The following KLF8 variants were observed in gnomAD, a reference collection of about 807,000 sequenced individuals.
KLF8 encodes the protein Krueppel-like factor 8.
A neutral mutation model predicts 18.2 loss-of-function variants in KLF8; 10 were observed. The observed-to-expected ratio is 0.55, with a 90% CI of 0.34 to 0.93. The LOEUF (loss-of-function observed/expected upper bound fraction) is 0.93, where lower values mean the gene tolerates loss of function less well. Among genes scored for constraint, KLF8 ranks in the 40% least tolerant of loss-of-function variants. KLF8 has a pLI of 0.02. For missense variants in KLF8, 264 were observed against 277.9 expected (o/e 0.95, Z 0.36); for synonymous variants, 109 against 97.3 (o/e 1.12, Z -0.71).
the KLF8 span, among the ~76,000 whole-genome samples, chrX:56,094,795 A>G: frequency 2.7e-4 from 30 of 111,300 alleles, no homozygotes; most frequent in Non-Finnish European, 5.5e-4. Context: ...CAATAACAGA[A>G]TGATAGCTAG....
At chrX:56,132,334 C>A in the KLF8 span, among the ~76,000 whole-genome samples, 8 of 111,333 alleles carry the variant, frequency 7.2e-5, no homozygotes, top group East Asian at 1.7e-3. Flanking sequence ...TCCAAAGGAA[C>A]CTTCAAGACC....
At chrX:55,990,285 G>A in the KLF8 span, among the ~76,000 whole-genome samples, 2 of 111,458 alleles carry the variant, frequency 1.8e-5, no homozygotes, top group Non-Finnish European at 3.8e-5. Flanking sequence ...TCTTTTAATT[G>A]TGATGTTAGG....
chrX:56,214,665 C>T, the KLF8 span, among the ~76,000 whole-genome samples: 2 of 112,332 alleles, frequency 1.8e-5, no homozygotes, highest in South Asian at 3.7e-4. Context: ...ACCTTTCAAA[C>T]ATGAGACAAT....
the KLF8 span, among the ~76,000 whole-genome samples, chrX:56,026,071 C>G: frequency 8.9e-6 from 1 of 112,201 alleles, no homozygotes; most frequent in Non-Finnish European, 1.9e-5. Flanking sequence ...TTGTCATCCT[C>G]CTCAGAGTCA....
intron 5 of KLF8, among the ~76,000 whole-genome samples, chrX:56,277,937 A>C (rs1054888865): frequency 2.7e-5 from 3 of 112,442 alleles, no homozygotes; most frequent in African/African-American, 9.7e-5. Context: ...TACCACTACC[A>C]TAGGCTTACA....
chrX:56,048,025 A>G, the KLF8 span, among the ~76,000 whole-genome samples: 36 of 111,952 alleles, frequency 3.2e-4, 1 homozygote, highest in Non-Finnish European at 3.6e-4. Flanking sequence ...CAGTCATGAT[A>G]AGCATTTTTT....
chrX:56,192,795 A>G, the KLF8 span, among the ~76,000 whole-genome samples: 4 of 112,731 alleles, frequency 3.5e-5, no homozygotes, highest in Non-Finnish European at 7.5e-5. Context: ...TTCTCTCACC[A>G]TATACAAAAG....
At chrX:55,953,105 G>A in the KLF8 span, among the ~76,000 whole-genome samples, 1 of 111,464 alleles carries the variant, frequency 9.0e-6, no homozygotes, top group South Asian at 3.8e-4. Flanking sequence ...TAAGGTAGTT[G>A]TTCGAGTGTG....
the KLF8 span, among the ~76,000 whole-genome samples, chrX:56,139,696 C>T: frequency 1.8e-5 from 2 of 111,673 alleles, no homozygotes; most frequent in East Asian, 2.8e-4. Context: ...CTAGGAAGTG[C>T]TGTTCTGTAC....
chrX:56,000,302 T>TTG, the KLF8 span, among the ~76,000 whole-genome samples: 2 of 109,846 alleles, frequency 1.8e-5, no homozygotes, highest in East Asian at 2.9e-4. Flanking sequence ...TCTGTAGTTT[T>TTG]TGTGTGTGTG....
At chrX:56,078,583 G>A in the KLF8 span, among the ~76,000 whole-genome samples, 1 of 111,867 alleles carries the variant, frequency 8.9e-6, no homozygotes, top group East Asian at 2.8e-4. Flanking sequence ...TGTTCATCAA[G>A]GATATTGGTG....
In KLF8 at chrX:56,288,144, C is replaced by T. The variant is rs1372292542; in HGVS notation, c.*3650C>T. Reference sequence around the variant, plus strand: ...CCCAGCAATACTTGAGAGGCTGAGGCAAGAGAATTGCTTGAACCTGGGAGG... The same window carrying T: ...CCCAGCAATACTTGAGAGGCTGAGGTAAGAGAATTGCTTGAACCTGGGAGG... On this transcript the variant is annotated 3_prime_UTR_variant, in exon 6 of 6. Transcript: ENST00000468660. 9.1e-6 allele frequency among the ~76,000 whole-genome samples: 1 copy of T among 110,263 alleles called. No individual in the cohort carries two copies. The highest frequency in any genetic ancestry group is 1.9e-5 in the Non-Finnish European group (1 of 52,869).
chrX:56,026,160 G>T, the KLF8 span, among the ~76,000 whole-genome samples: 46 of 111,923 alleles, frequency 4.1e-4, no homozygotes, highest in African/African-American at 1.4e-3. Flanking sequence ...TGTGATCCAG[G>T]CCAGGATTCC....
At chrX:56,185,420 G>T in the KLF8 span, among the ~76,000 whole-genome samples, 2 of 112,120 alleles carry the variant, frequency 1.8e-5, no homozygotes. Context: ...AAAGTGACGG[G>T]GAGAATGGGA....
chrX:56,018,892 G>A, the KLF8 span, among the ~76,000 whole-genome samples: 1 of 110,804 alleles, frequency 9.0e-6, no homozygotes, highest in Non-Finnish European at 1.9e-5. Context: ...AAACTTTCAA[G>A]CTGTAGGAAT....
chrX:56,235,507 C>T (rs1396697127), intron 1 of KLF8, among the ~76,000 whole-genome samples: 1 of 106,737 alleles, frequency 9.4e-6, no homozygotes, highest in African/African-American at 3.4e-5. Context: ...ACCTTCGCCT[C>T]CCAGGTTCAA....
chrX:56,164,764 T>A, the KLF8 span, among the ~76,000 whole-genome samples: 3 of 95,872 alleles, frequency 3.1e-5, no homozygotes, highest in African/African-American at 1.2e-4. Context: ...TTTTTTTTTT[T>A]ATTATACTTT....
At chrX:56,057,503 G>A in the KLF8 span, among the ~76,000 whole-genome samples, 3 of 111,750 alleles carry the variant, frequency 2.7e-5, no homozygotes, top group Non-Finnish European at 5.6e-5. Flanking sequence ...TTGTGAGGAG[G>A]TAGCAGAAAG....
At chrX:56,098,332 C>A in the KLF8 span, among the ~76,000 whole-genome samples, 1 of 111,660 alleles carries the variant, frequency 9.0e-6, no homozygotes, top group African/African-American at 3.3e-5. Context: ...CAACACAAAC[C>A]AACTTAGACA....
Sources: allele counts gnomAD v4.1 joint callset (sites outside exome capture counted in the v4.1 genomes callset), GRCh38; gene constraint gnomAD v4.1.1; transcripts MANE v1.5; gene names NCBI Gene and HGNC (gene_info 2026-07-23, HGNC 2026-07-21).